The following TRIM63 variants were observed in gnomAD, a reference collection of about 807,000 sequenced individuals.
TRIM63 encodes the protein E3 ubiquitin-protein ligase TRIM63.
Under a neutral mutation model 46.0 loss-of-function variants are expected in TRIM63, and 48 were observed. The observed-to-expected ratio is 1.04, with a 90% CI of 0.83 to 1.33. The LOEUF is 1.33. Among genes scored for constraint, TRIM63 ranks in the 40% most tolerant of loss-of-function variants. The pLI is 0.00. For missense variants in TRIM63, 455 were observed against 441.2 expected (o/e 1.03, Z -0.28); for synonymous variants, 175 against 162.8 (o/e 1.08, Z -0.57).
chr1:26,060,974 G>A (rs1483883583), intron 3 of TRIM63, among the ~76,000 whole-genome samples, 192 bp downstream of exon 3: 1 of 152,208 alleles, frequency 6.6e-6, no homozygotes, highest in African/African-American at 2.4e-5. Context: ...GTGGCTCTAA[G>A]TATAACCATG....
At chr1:26,057,180 A>G (rs1288584872) in intron 7 of TRIM63, 23 bp downstream of exon 7, 1 of 1,613,556 alleles carries the variant, frequency 6.2e-7, no homozygotes, top group East Asian at 2.2e-5. Context: ...CAAATAGACA[A>G]GTGGCATCAC....
In TRIM63 at chr1:26,057,626, A is replaced by G; in HGVS notation, c.854+2T>C. 1 of 1,610,528 alleles carries G rather than the reference A, an allele frequency of 6.2e-7. No homozygotes were observed. The highest frequency in any genetic ancestry group is 8.5e-7 in the Non-Finnish European group (1 of 1,178,444). On this transcript the variant is annotated splice_donor_variant, in intron 6 of 8. Transcript: ENST00000374272. LOFTEE classifies it high-confidence loss of function. ...GATCATAGCCTCTAGGAAGACACTG[A>G]CCTTTTGATGAGTTGCTTGGCAGTC...
At chr1:26,057,742 T>C in intron 5 of TRIM63, 92 bp from the exon 6 acceptor site, 2 of 1,370,032 alleles carry the variant, frequency 1.5e-6, no homozygotes, top group South Asian at 1.4e-5. Flanking sequence ...TGTAGGTAGA[T>C]ATTTGGTGCC....
intron 7 of TRIM63, 117 bp downstream of exon 7, chr1:26,057,086 T>C (rs1013082717): frequency 4.5e-6 from 6 of 1,344,610 alleles, no homozygotes; most frequent in East Asian, 2.4e-5. Flanking sequence ...ATGAGTTTGA[T>C]TGATATTTGG....
intron 2 of TRIM63, 29 bp downstream of exon 2, chr1:26,066,239 G>T: frequency 6.2e-7 from 1 of 1,612,382 alleles, no homozygotes; most frequent in Non-Finnish European, 8.5e-7. Context: ...GGGAAGGAGG[G>T]CGGGCCCCCA....
chr1:26,058,335 C>A, intron 5 of TRIM63, 55 bp downstream of exon 5: 2 of 1,505,078 alleles, frequency 1.3e-6, no homozygotes, highest in Non-Finnish European at 1.8e-6. Context: ...ATAACTTGAA[C>A]CTTAGAGCTG....
At chr1:26,060,889 G>A (rs189995122) in intron 3 of TRIM63, among the ~76,000 whole-genome samples, 7 of 152,188 alleles carry the variant, frequency 4.6e-5, no homozygotes, top group African/African-American at 1.4e-4. Context: ...TGGAGAAGCC[G>A]TGGCCTGAGA....
intron 2 of TRIM63, among the ~76,000 whole-genome samples, chr1:26,061,611 G>C (rs1488607949): frequency 6.6e-6 from 1 of 152,196 alleles, no homozygotes; most frequent in Non-Finnish European, 1.5e-5. Context: ...TTAGCCTGAG[G>C]CTCTGCCAGT....
At chr1:26,061,140 G>C in intron 3 of TRIM63, 26 bp downstream of exon 3, 1 of 1,608,536 alleles carries the variant, frequency 6.2e-7, no homozygotes, top group Non-Finnish European at 8.5e-7. Context: ...GCCCAGGCTG[G>C]GGGTAAAAGT....
chr1:26,062,282 A>AAAAG (rs1225190107), intron 2 of TRIM63, among the ~76,000 whole-genome samples: 27 of 150,424 alleles, frequency 1.8e-4, no homozygotes, highest in Middle Eastern at 3.4e-3. Flanking sequence ...AAAAAAAAAA[A>AAAAG]AAAGAAAGAA....
chr1:26,062,486 T>C (rs2050635207), intron 2 of TRIM63, among the ~76,000 whole-genome samples: 1 of 152,190 alleles, frequency 6.6e-6, no homozygotes, highest in East Asian at 1.9e-4. Flanking sequence ...TGACCCTCTC[T>C]GAGCCATGAG....
At chr1:26,066,879 G>C in intron 1 of TRIM63, among the ~76,000 whole-genome samples, 1 of 151,718 alleles carries the variant, frequency 6.6e-6, no homozygotes, top group South Asian at 2.1e-4. Flanking sequence ...GGGAGTTGGA[G>C]CCCCTTCTGC....
chr1:26,062,099 C>T (rs1440246958), intron 2 of TRIM63, among the ~76,000 whole-genome samples: 1 of 152,018 alleles, frequency 6.6e-6, no homozygotes, highest in African/African-American at 2.4e-5. Flanking sequence ...GAAACCCCGT[C>T]TCTACTAAAA....
At chr1:26,067,295 G>A (rs2050686986) in intron 1 of TRIM63, 41 bp downstream of exon 1, 1 of 1,607,470 alleles carries the variant, frequency 6.2e-7, no homozygotes, top group African/African-American at 1.3e-5. Flanking sequence ...AAGCCAAGTA[G>A]CCACCTGGGG....
rs74993508 is a variant in TRIM63, at chr1:26,063,760, A to G, written c.333-2426T>C. 7.4e-3 allele frequency among the ~76,000 whole-genome samples: 1,120 copies of G among 152,368 alleles called. 10 individuals carry two copies. The highest frequency in any genetic ancestry group is 0.024 in the African/African-American group (1,004 of 41,590). ...TGCAATCTGTCTGTAGAAATTGTCT[A>G]TAATGAATGTAGAGTGCCCGGCACA... On this transcript the variant is annotated intron_variant, in intron 2 of 8. Coordinates refer to ENST00000374272, the MANE Select transcript of TRIM63 (RefSeq NM_032588.4).
At chr1:26,067,159 G>A (rs1278569337) in intron 1 of TRIM63, among the ~76,000 whole-genome samples, 177 bp downstream of exon 1, 3 of 152,104 alleles carry the variant, frequency 2.0e-5, no homozygotes, top group East Asian at 1.9e-4. Flanking sequence ...GAGAAGAACC[G>A]CAGCAGCCAG....
intron 4 of TRIM63, among the ~76,000 whole-genome samples, chr1:26,059,271 C>G (rs1263691790): frequency 1.3e-5 from 2 of 152,130 alleles, no homozygotes; most frequent in African/African-American, 4.8e-5. Flanking sequence ...ATCCACCCAG[C>G]TTGACCTCCC....
chr1:26,065,824 C>T (rs1476251271), intron 2 of TRIM63, among the ~76,000 whole-genome samples: 1 of 152,244 alleles, frequency 6.6e-6, no homozygotes, highest in Non-Finnish European at 1.5e-5. Flanking sequence ...AAAGTCATGC[C>T]TGATTCACAG....
In TRIM63 at chr1:26,054,237, C is replaced by CT. The variant is rs11424290; in HGVS notation, c.980-274_980-273insA. Among the ~76,000 whole-genome samples, 121,050 of 152,152 alleles carry CT rather than the reference C, an allele frequency of 0.8. 49,768 individuals carry two copies. The highest frequency in any genetic ancestry group is 0.88 in the Non-Finnish European group (60,164 of 67,990). ...GCAACAGCAGCTTCTATCACCTGCT[C>CT]GCCTGTGACCAGAGAGGGGACTCTG... On this transcript the variant is annotated intron_variant, in intron 7 of 8. Coordinates refer to ENST00000374272, the MANE Select transcript of TRIM63 (RefSeq NM_032588.4).
Sources: gnomAD v4.1 joint callset for allele counts (sites outside exome capture counted in the v4.1 genomes callset) on GRCh38, gnomAD v4.1.1 for gene constraint, MANE v1.5 for transcripts, NCBI Gene and HGNC (gene_info 2026-07-23, HGNC 2026-07-21) for gene names.